Variants in DRICH1 observed in about 807,000 individuals in gnomAD.
DRICH1 encodes aspartate-rich protein 1.
A neutral mutation model predicts 39.5 loss-of-function variants in DRICH1; 38 were observed. That is an observed-to-expected ratio of 0.96 (90% CI 0.74 to 1.26). The LOEUF (loss-of-function observed/expected upper bound fraction) is 1.26, where lower values mean the gene tolerates loss of function less well. Ranked by LOEUF, DRICH1 falls within the 50% of genes most tolerant of loss-of-function variation. DRICH1 has a pLI of 0.00. For missense variants in DRICH1, 279 were observed against 270.4 expected (o/e 1.03, Z -0.22); for synonymous variants, 84 against 99.5 (o/e 0.84, Z 0.93).
chr22:23,608,491 C>T lies in DRICH1; in HGVS notation c.*273G>A, dbSNP rs143075146. 487 of 504,144 alleles carry T rather than the reference C, an allele frequency of 9.7e-4. 1 individual carries two copies. Among genetic ancestry groups the T allele is most frequent in the African/African-American group, 8.1e-3 (431 of 52,946 alleles). The allele number at this position is 504,144 out of a possible 1,614,324, so 31.2% of individuals were successfully genotyped here. On this transcript the variant is annotated 3_prime_UTR_variant, in exon 12 of 12. Coordinates refer to ENST00000317749, the MANE Select transcript of DRICH1 (RefSeq NM_016449.4). ...CTCTTTATTTCAAGTGGGAATGGCA[C>T]TTTCTGCTCGTGGAGCACAGTCACG...
At chr22:23,627,941 C>T (rs1392278509) in intron 1 of DRICH1, among the ~76,000 whole-genome samples, 1 of 152,160 alleles carries the variant, frequency 6.6e-6, no homozygotes, top group Non-Finnish European at 1.5e-5. Flanking sequence ...ATGTTCTCCC[C>T]AGGACTGAGC....
the DRICH1 span, among the ~76,000 whole-genome samples, chr22:23,594,715 A>G: frequency 0.86 from 129,828 of 151,390 alleles, 55,959 homozygotes; most frequent in African/African-American, 0.96. Flanking sequence ...AGAAACGAAC[A>G]TCTGGCCTTT....
At chr22:23,610,338 G>A (rs1157518565) in intron 11 of DRICH1, 1 of 152,246 alleles carries the variant, frequency 6.6e-6, no homozygotes, top group South Asian at 2.1e-4. Context: ...AGCCTTTAGG[G>A]AAGTGGGAGG....
chr22:23,629,028 TTTAA>T (rs1569097515), intron 1 of DRICH1, among the ~76,000 whole-genome samples: 5 of 147,700 alleles, frequency 3.4e-5, no homozygotes, highest in South Asian at 2.1e-4. Flanking sequence ...CGCTCTTCTC[TTTAA>T]TTTTTTGTTT....
chr22:23,623,304 A>G (rs1927877785), intron 3 of DRICH1, among the ~76,000 whole-genome samples: 1 of 152,156 alleles, frequency 6.6e-6, no homozygotes, highest in Non-Finnish European at 1.5e-5. Context: ...ACTCAGGAGG[A>G]TAAGGCAGAA....
At chr22:23,606,664 A>T (rs1926748561), downstream of DRICH1, among the ~76,000 whole-genome samples, 1 of 152,104 alleles carries the variant, frequency 6.6e-6, no homozygotes. Flanking sequence ...GGTAGGGAAG[A>T]GCGGAGGGTC....
intron 3 of DRICH1, chr22:23,623,783 T>TTGGGTGCCCCCCAGCTAGAAGCA (rs1239471271): frequency 4.2e-6 from 1 of 238,308 alleles, no homozygotes; most frequent in Non-Finnish European, 6.8e-6. Flanking sequence ...TGCTTCTAGC[T>TTGGGTGCCCCCCAGCTAGAAGCA]TGGGGGCACC....
At chr22:23,598,410 C>G in the DRICH1 span, among the ~76,000 whole-genome samples, 104 of 151,994 alleles carry the variant, frequency 6.8e-4, 1 homozygote, top group South Asian at 0.021. Context: ...CAAAACAAAC[C>G]TGTGGGGAGA....
chr22:23,617,686 C>A, intron 6 of DRICH1, 29 bp from the exon 7 acceptor site: 1 of 1,594,584 alleles, frequency 6.3e-7, no homozygotes, highest in Non-Finnish European at 8.5e-7. Flanking sequence ...AAGATCCGTG[C>A]CCTGGTTGTT....
chr22:23,595,612 T>C, the DRICH1 span, among the ~76,000 whole-genome samples: 2 of 152,230 alleles, frequency 1.3e-5, no homozygotes, highest in African/African-American at 4.8e-5. Context: ...GGTGGCTTCA[T>C]AAATCAATAA....
chr22:23,616,186 G>C (rs917957762), intron 8 of DRICH1, among the ~76,000 whole-genome samples: 1 of 152,208 alleles, frequency 6.6e-6, no homozygotes, highest in African/African-American at 2.4e-5. Flanking sequence ...GCACACCACA[G>C]AAGAATTTTG....
chr22:23,603,859 C>G (rs1202478206), downstream of DRICH1, among the ~76,000 whole-genome samples: 1 of 152,180 alleles, frequency 6.6e-6, no homozygotes, highest in Non-Finnish European at 1.5e-5. Flanking sequence ...AGTGGATGGC[C>G]TTGGGGGAGA....
chr22:23,627,218 G>A (rs976893860), intron 1 of DRICH1, among the ~76,000 whole-genome samples: 1 of 151,848 alleles, frequency 6.6e-6, no homozygotes, highest in Non-Finnish European at 1.5e-5. Flanking sequence ...GATTACAGGT[G>A]TGCGTCACCA....
the DRICH1 span, among the ~76,000 whole-genome samples, chr22:23,601,670 A>G: frequency 4.0e-3 from 611 of 152,326 alleles, 2 homozygotes; most frequent in African/African-American, 0.014. Flanking sequence ...GTGATCCGTT[A>G]CTGTAGCTGC....
At chr22:23,613,986 G>A (rs747705503) in intron 9 of DRICH1, 149 bp downstream of exon 9, 2 of 641,398 alleles carry the variant, frequency 3.1e-6, no homozygotes, top group Non-Finnish European at 5.5e-6. Flanking sequence ...AAGTTGGGAA[G>A]ACACTCCTAT....
At chr22:23,622,590 T>G (rs1345443340) in intron 3 of DRICH1, among the ~76,000 whole-genome samples, 1 of 152,192 alleles carries the variant, frequency 6.6e-6, no homozygotes, top group Admixed American at 6.5e-5. Context: ...AAAGATCTAT[T>G]ACTTAATTAA....
chr22:23,611,211 G>A (rs1396298385), intron 11 of DRICH1, among the ~76,000 whole-genome samples: 1 of 152,080 alleles, frequency 6.6e-6, no homozygotes, highest in Non-Finnish European at 1.5e-5. Flanking sequence ...AACCTTTGGC[G>A]TTAAAGAGAT....
intron 6 of DRICH1, 26 bp downstream of exon 6, chr22:23,619,338 A>T (rs367783888): frequency 5.4e-5 from 42 of 780,432 alleles, no homozygotes; most frequent in Non-Finnish European, 9.6e-5. Context: ...AACACACAAT[A>T]CTACACACAT....
chr22:23,619,039 GCA>G (rs1927550988), intron 6 of DRICH1, among the ~76,000 whole-genome samples: 1 of 151,980 alleles, frequency 6.6e-6, no homozygotes, highest in Non-Finnish European at 1.5e-5. Context: ...GGACGTGGTG[GCA>G]TGCATCTGTA....
Sources: allele counts gnomAD v4.1 joint callset (sites outside exome capture counted in the v4.1 genomes callset), GRCh38; gene constraint gnomAD v4.1.1; transcripts MANE v1.5; gene names NCBI Gene and HGNC (gene_info 2026-07-23, HGNC 2026-07-21).